The following FMO5 variants were observed in gnomAD, a reference collection of about 807,000 sequenced individuals.
FMO5 encodes flavin-containing monooxygenase 5.
In FMO5, 51 loss-of-function variants were observed where a neutral mutation model predicts 43.6. That is an observed-to-expected ratio of 1.17 (90% confidence interval 0.93 to 1.48). The LOEUF (loss-of-function observed/expected upper bound fraction) is 1.48, where lower values mean the gene tolerates loss of function less well. Ranked by LOEUF, FMO5 falls within the 40% of genes most tolerant of loss-of-function variation. FMO5 has a pLI of 0.00. For synonymous variants in FMO5, 187 were observed against 216.5 expected, an observed-to-expected ratio of 0.86 and a Z score of 1.20; for missense variants, 644 against 643.0, an observed-to-expected ratio of 1.00 and a Z score of -0.02.
chr1:147,203,809 T>C (rs1308863024), intron 6 of FMO5: 3 of 1,550,448 alleles, frequency 1.9e-6, no homozygotes, highest in Non-Finnish European at 2.7e-6. Context: ...CCCGAAGTAC[T>C]ATGGTAGAAA....
intron 2 of FMO5, among the ~76,000 whole-genome samples, chr1:147,218,276 G>A (rs1382886112): frequency 2.0e-5 from 3 of 147,606 alleles, no homozygotes; most frequent in African/African-American, 2.5e-5. Context: ...TCACTCTGTC[G>A]CCAGGCTGGA....
chr1:147,188,369 C>T (rs782040731), intron 8 of FMO5, among the ~76,000 whole-genome samples: 4 of 151,594 alleles, frequency 2.6e-5, no homozygotes, highest in Non-Finnish European at 5.9e-5. Flanking sequence ...ACAGAAAACA[C>T]AAAAATTAGC....
intron 2 of FMO5, among the ~76,000 whole-genome samples, chr1:147,219,957 G>C (rs904432492): frequency 2.6e-5 from 4 of 151,288 alleles, no homozygotes; most frequent in African/African-American, 9.7e-5. Context: ...TCCTGCCTCA[G>C]CCTCCGGAGT....
upstream of FMO5, chr1:147,225,802 G>A (rs7517655): frequency 0.49 from 75,126 of 152,146 alleles, 19,467 homozygotes; most frequent in East Asian, 0.87. Flanking sequence ...CCGAATTAAA[G>A]AAGGAAGAGG....
At chr1:147,211,043 G>GT (rs1453591883) in intron 5 of FMO5, 3 of 152,174 alleles carry the variant, frequency 2.0e-5, no homozygotes, top group Non-Finnish European at 4.4e-5. Context: ...TAAAAAGTTA[G>GT]AACTCAGCAA....
At chr1:147,224,064 C>A (rs2102110352) in intron 2 of FMO5, 1 of 381,292 alleles carries the variant, frequency 2.6e-6, no homozygotes, top group Non-Finnish European at 5.1e-6. Context: ...GTCTTCCTGC[C>A]TGCCCTGTGT....
At chr1:147,192,967 A>T (rs1657177998) in intron 7 of FMO5, among the ~76,000 whole-genome samples, 1 of 151,962 alleles carries the variant, frequency 6.6e-6, no homozygotes, top group South Asian at 2.1e-4. Context: ...ATTGGTCTAA[A>T]ATTCTTTTTT....
At chr1:147,195,872 TG>T (rs1160758167) in intron 7 of FMO5, among the ~76,000 whole-genome samples, 1 of 152,128 alleles carries the variant, frequency 6.6e-6, no homozygotes, top group Non-Finnish European at 1.5e-5. Flanking sequence ...TCACTGGTGA[TG>T]GGTATCTATA....
chr1:147,210,160 G>C (rs1660853998), intron 5 of FMO5: 1 of 152,206 alleles, frequency 6.6e-6, no homozygotes, highest in Non-Finnish European at 1.5e-5. Flanking sequence ...AGATCACAGA[G>C]CTAGTAAGTG....
intron 5 of FMO5, chr1:147,210,795 G>A (rs1282438458): frequency 6.6e-6 from 1 of 152,026 alleles, no homozygotes; most frequent in Admixed American, 6.6e-5. Context: ...TCTTATTTCA[G>A]TTTTCCATCT....
intron 2 of FMO5, among the ~76,000 whole-genome samples, chr1:147,222,895 CT>C (rs1454687292): frequency 4.6e-5 from 7 of 152,206 alleles, no homozygotes; most frequent in Non-Finnish European, 7.3e-5. Context: ...TTTTCAGTAA[CT>C]GCCAAAACTG....
chr1:147,215,998 A>G, intron 2 of FMO5, 56 bp from the exon 3 acceptor site: 1 of 1,339,928 alleles, frequency 7.5e-7, no homozygotes, highest in African/African-American at 1.5e-5. Context: ...ATGTTTTATA[A>G]TAGCCAATAG....
At chr1:147,219,921 C>G (rs1487717496) in intron 2 of FMO5, among the ~76,000 whole-genome samples, 1 of 151,176 alleles carries the variant, frequency 6.6e-6, no homozygotes, top group Non-Finnish European at 1.5e-5. Flanking sequence ...TCACCACAAC[C>G]CCTGCCTCCC....
chr1:147,214,450 G>GA (rs1235494499), intron 3 of FMO5, among the ~76,000 whole-genome samples: 42 of 24,184 alleles, frequency 1.7e-3, no homozygotes, highest in South Asian at 2.3e-3. Context: ...GACTCTGTCT[G>GA]AAAAAAAACA....
upstream of FMO5, among the ~76,000 whole-genome samples, chr1:147,226,238 C>T (rs1393540373): frequency 6.6e-6 from 1 of 151,894 alleles, no homozygotes; most frequent in African/African-American, 2.4e-5. Context: ...CTTCCGCCCC[C>T]GGCTCACCTA....
intron 6 of FMO5, chr1:147,204,617 C>A: frequency 6.3e-7 from 1 of 1,592,432 alleles, no homozygotes; most frequent in Non-Finnish European, 8.6e-7. Flanking sequence ...CCGGCAAATA[C>A]CAGAACAATG....
rs891801907 is a variant in FMO5, at chr1:147,188,712, G to T, written c.1256+1465C>A. Among the ~76,000 whole-genome samples, 20 of 148,116 alleles carry T rather than the reference G, an allele frequency of 1.4e-4. 1 individual carries two copies. In the East Asian group the frequency reaches 2.4e-3, roughly 18 times the overall value. On this transcript the variant is annotated intron_variant, in intron 8 of 8. Coordinates refer to ENST00000254090, the MANE Select transcript of FMO5 (RefSeq NM_001461.4). ...CTGCACGTTGTACACATGTACCCTA[G>T]AACTTAAATATAAAATAAATAAATA...
chr1:147,189,730 G>A (rs1343807007), intron 8 of FMO5, among the ~76,000 whole-genome samples: 2 of 152,162 alleles, frequency 1.3e-5, no homozygotes, highest in African/African-American at 4.8e-5. Context: ...ACTTGAGTGT[G>A]CTGTCACATG....
chr1:147,207,058 A>G (rs7523021), intron 6 of FMO5, among the ~76,000 whole-genome samples: 56,383 of 151,532 alleles, frequency 0.37, 10,914 homozygotes, highest in African/African-American at 0.5. Flanking sequence ...AAATACTATT[A>G]GGGCAACTGG....
Sources: gnomAD v4.1 joint callset for allele counts (sites outside exome capture counted in the v4.1 genomes callset) on GRCh38, gnomAD v4.1.1 for gene constraint, MANE v1.5 for transcripts, NCBI Gene and HGNC (gene_info 2026-07-23, HGNC 2026-07-21) for gene names.